PNPLA7: variants seen among roughly 807,000 people sequenced by gnomAD.
The protein encoded by PNPLA7 is patatin like domain 7, lysophospholipase.
PNPLA7 carries 153 observed loss-of-function variants against 161.7 expected under a neutral mutation model. The observed-to-expected ratio is 0.95, with a 90% CI of 0.83 to 1.08. The LOEUF (loss-of-function observed/expected upper bound fraction) is 1.08. Among genes scored for constraint, PNPLA7 ranks in the 50% least tolerant of loss-of-function variants. PNPLA7 has a pLI of 0.00. For synonymous variants in PNPLA7, 809 were observed against 782.1 expected (o/e 1.03, Z -0.57); for missense variants, 1,739 against 1,856.6 (o/e 0.94, Z 1.16).
chr9:137,491,651 G>T (rs1187495563), intron 20 of PNPLA7: 5 of 985,338 alleles, frequency 5.1e-6, no homozygotes, highest in Non-Finnish European at 6.0e-6. Flanking sequence ...TTTTGCAGAG[G>T]AACTCAGATG....
intron 25 of PNPLA7, among the ~76,000 whole-genome samples, chr9:137,470,454 G>A (rs779774007): frequency 3.3e-5 from 5 of 152,086 alleles, no homozygotes; most frequent in Non-Finnish European, 5.9e-5. Context: ...TGAGCGCAGC[G>A]GCTCACACTT....
At position 137,481,073 on chromosome 9, in the gene PNPLA7, A is replaced by G. The variant is rs140011306; in HGVS notation, c.2348-50T>C. ...GAGCCTGCCTGGGCAGCCCACCTCCAACGCCAACAAGGCACCGACACCCAG... is the reference window on the plus strand; with the variant it reads ...GAGCCTGCCTGGGCAGCCCACCTCCGACGCCAACAAGGCACCGACACCCAG... On this transcript the variant is annotated intron_variant, in intron 21 of 34. Coordinates refer to ENST00000406427, the MANE Select transcript of PNPLA7 (RefSeq NM_001098537.3). The G allele has an allele frequency of 1.4e-4, 223 of 1,539,128 alleles. 1 individual carries two copies. In the East Asian group the frequency reaches 3.7e-3, roughly 26 times the overall value.
intron 12 of PNPLA7, among the ~76,000 whole-genome samples, chr9:137,508,615 C>A (rs1371690726): frequency 2.0e-5 from 3 of 151,846 alleles, no homozygotes; most frequent in Admixed American, 1.3e-4. Flanking sequence ...TATATCTTGA[C>A]CCCTACTCAC....
In PNPLA7 at chr9:137,461,930, C is replaced by T. The variant is rs762658606; in HGVS notation, c.3756+1G>A. ...GGCGTGGTCCGGACGCCCGTACTCA[C>T]CGCACTCGCGGGCTTCTTGCTCGGC... On this transcript the variant is annotated splice_donor_variant, in intron 32 of 34. Transcript: ENST00000406427. LOFTEE classifies it high-confidence loss of function. The T allele has an allele frequency of 1.3e-6, 2 of 1,564,902 alleles. No homozygotes were observed. Among genetic ancestry groups the T allele is most frequent in the African/African-American group, 1.3e-5 (1 of 74,212 alleles).
chr9:137,462,350 C>T lies in PNPLA7; in HGVS notation c.3493-19G>A, dbSNP rs1831254222. The T allele has an allele frequency of 1.9e-6, 3 of 1,581,078 alleles. No individual in the cohort carries two copies. Among genetic ancestry groups the T allele is most frequent in the Non-Finnish European group, 1.7e-6 (2 of 1,161,766 alleles). On this transcript the variant is annotated intron_variant, in intron 30 of 34. Transcript: ENST00000406427. ...TCAACACCTGCTGCCGTCACAGCCG[C>T]CTGAGTCTCCTGCCCCGGCCCCTAC...
At chr9:137,517,921 T>A (rs1834705553) in intron 11 of PNPLA7, among the ~76,000 whole-genome samples, 1 of 55,122 alleles carries the variant, frequency 1.8e-5, no homozygotes, top group Non-Finnish European at 3.3e-5. Flanking sequence ...CCCCCGTCAC[T>A]CACTCCACTC....
Position 137,543,606 on chromosome 9 carries a change from C to T in PNPLA7, c.366-34G>A. The T allele has an allele frequency of 6.2e-7, 1 of 1,606,240 alleles. No homozygotes were observed. Among genetic ancestry groups the T allele is most frequent in the Non-Finnish European group, 8.5e-7 (1 of 1,175,580 alleles). Reference sequence around the variant, plus strand: ...CAGAGACACACTAGCCTTGAGCAGACCAGGCGGGTTCGAAACCCACAGCAT... The same window carrying T: ...CAGAGACACACTAGCCTTGAGCAGATCAGGCGGGTTCGAAACCCACAGCAT... On this transcript the variant is annotated intron_variant, in intron 5 of 34. Transcript: ENST00000406427. The surrounding 1 kb of genome is among the most constrained non-coding windows in gnomAD (Gnocchi z 6.9).
chr9:137,462,366 C>T (rs1831255103), intron 30 of PNPLA7, 35 bp from the exon 31 acceptor site: 2 of 1,569,072 alleles, frequency 1.3e-6, no homozygotes, highest in Admixed American at 3.6e-5. Context: ...TCTCCTGCCC[C>T]GGCCCCTACC....
chr9:137,483,065 T>G (rs908652656), intron 21 of PNPLA7, among the ~76,000 whole-genome samples: 6 of 151,952 alleles, frequency 3.9e-5, no homozygotes, highest in Non-Finnish European at 7.4e-5. Flanking sequence ...TGAGACGGGG[T>G]TTCAACATAT....
chr9:137,493,783 C>G (rs1461194110), intron 19 of PNPLA7, among the ~76,000 whole-genome samples: 2 of 152,248 alleles, frequency 1.3e-5, no homozygotes, highest in African/African-American at 4.8e-5. Context: ...GAGGAGTGGC[C>G]TGGCTCCCTG....
rs1831529316 is a variant in PNPLA7, at chr9:137,467,433, A to G, written c.2923T>C (p.Cys975Arg). 1.9e-6 allele frequency: 3 copies of G among 1,612,772 alleles called. No homozygotes were observed. Among genetic ancestry groups the G allele is most frequent in the Non-Finnish European group, 2.5e-6 (3 of 1,179,944 alleles). The change falls in exon 26 of 35, where the codon TGC becomes CGC. Residue 975 changes from cysteine to arginine, a missense_variant. Cys to Arg is a radical substitution (Grantham distance 180). Transcript: ENST00000406427. This position sits in a 1 kb window ranked among gnomAD's most constrained non-coding sequence, Gnocchi z 5.1. ...CCCACCATGTCCACAGGGATGCCGC[A>G]CTCCGCCAAGGCCTTGAGAACGCCC... ...QVGVLKALAE[C>R]GIPVDMVGGT...
chr9:137,487,726 G>A (rs1016503302), intron 20 of PNPLA7, among the ~76,000 whole-genome samples: 2 of 152,210 alleles, frequency 1.3e-5, no homozygotes, highest in African/African-American at 2.4e-5. Flanking sequence ...CAGCCACACC[G>A]GCACGGAACC....
In PNPLA7 at chr9:137,469,746, A is replaced by G. The variant is rs1014356200; in HGVS notation, c.2883-2273T>C. Reference sequence around the variant, plus strand: ...ACAAACATAGAGAAGATTGACAAAGATGAAAGTTGGTGTTGGAGGGACCAA... The same window carrying G: ...ACAAACATAGAGAAGATTGACAAAGGTGAAAGTTGGTGTTGGAGGGACCAA... On this transcript the variant is annotated intron_variant, in intron 25 of 34. Transcript: ENST00000406427. Among the ~76,000 whole-genome samples the G allele has an allele frequency of 3.3e-5, 5 of 152,366 alleles. No individual in the cohort carries two copies. The East Asian group carries it at 7.7e-4, about 23-fold the overall frequency.
At chr9:137,528,904 G>A (rs1056253884) in intron 8 of PNPLA7, among the ~76,000 whole-genome samples, 8 of 151,482 alleles carry the variant, frequency 5.3e-5, no homozygotes, top group Admixed American at 6.6e-5. Context: ...GTTTCACTGC[G>A]TTAGCCAGGA....
At chr9:137,481,076 G>A (rs1832196066) in intron 21 of PNPLA7, 53 bp from the exon 22 acceptor site, 26 of 1,529,526 alleles carry the variant, frequency 1.7e-5, no homozygotes, top group South Asian at 2.4e-5. Context: ...CACCTCCAAC[G>A]CCAACAAGGC....
intron 25 of PNPLA7, among the ~76,000 whole-genome samples, chr9:137,473,694 G>A (rs1831813211): frequency 6.6e-6 from 1 of 152,208 alleles, no homozygotes; most frequent in Admixed American, 6.5e-5. Flanking sequence ...GCAAGCTCAT[G>A]AACAGGTGTT....
chr9:137,468,011 G>A lies in PNPLA7; in HGVS notation c.2883-538C>T, dbSNP rs554001245. Reference sequence around the variant, plus strand: ...GGTGTCCTGAGAGTTGACCGGCATTGGCCTCTTCTACCCGGAAACACGGCT... The same window carrying A: ...GGTGTCCTGAGAGTTGACCGGCATTAGCCTCTTCTACCCGGAAACACGGCT... On this transcript the variant is annotated intron_variant, in intron 25 of 34. Transcript: ENST00000406427. The surrounding 1 kb of genome is among the most constrained non-coding windows in gnomAD (Gnocchi z 4.0). 6.6e-6 allele frequency among the ~76,000 whole-genome samples: 1 copy of A among 152,290 alleles called. No homozygotes were observed. Among genetic ancestry groups the A allele is most frequent in the African/African-American group, 2.4e-5 (1 of 41,560 alleles).
intron 23 of PNPLA7, chr9:137,479,460 GA>G: frequency 8.1e-7 from 1 of 1,240,422 alleles, no homozygotes; most frequent in African/African-American, 1.5e-5. Flanking sequence ...AGTACGGCAG[GA>G]GGGGGACGCC....
Position 137,478,554 on chromosome 9 carries a change from C to T in PNPLA7, c.2764-402G>A, listed in dbSNP as rs994703727. Reference sequence around the variant, plus strand: ...GCTGGGGGCCGTGAGCATGAGCAGACTCCCCACACCCCTCACTCTCAGGCC... The same window carrying T: ...GCTGGGGGCCGTGAGCATGAGCAGATTCCCCACACCCCTCACTCTCAGGCC... On this transcript the variant is annotated intron_variant, in intron 24 of 34. Coordinates refer to ENST00000406427, the MANE Select transcript of PNPLA7 (RefSeq NM_001098537.3). 77 of 180,434 alleles carry T rather than the reference C, an allele frequency of 4.3e-4. 3 individuals carry two copies. The highest frequency in any genetic ancestry group is 4.2e-3 in the Admixed American group (67 of 16,110). The allele number at this position is 180,434 out of a possible 1,614,324, so 11.2% of individuals were successfully genotyped here. A position where few individuals can be genotyped will look rare whatever the true frequency, so the allele number is the denominator to read the frequency against.
Sources: allele counts gnomAD v4.1 joint callset (sites outside exome capture counted in the v4.1 genomes callset), GRCh38; gene constraint gnomAD v4.1.1; non-coding constraint Gnocchi (gnomAD v3.1); transcripts MANE v1.5; gene names NCBI Gene and HGNC (gene_info 2026-07-23, HGNC 2026-07-21).